The following TOE1 variants were observed in gnomAD, a reference collection of about 807,000 sequenced individuals.
The protein encoded by TOE1 is target of EGR1 protein 1.
In TOE1, 50 loss-of-function variants were observed where a neutral mutation model predicts 49.2. The observed-to-expected ratio is 1.02, with a 90% CI of 0.81 to 1.29. The LOEUF (loss-of-function observed/expected upper bound fraction) is 1.29. Ranked by LOEUF, TOE1 falls within the 50% of genes most tolerant of loss-of-function variation. The pLI is 0.00. For missense variants in TOE1, 544 were observed against 654.4 expected (o/e 0.83, Z 1.84); for synonymous variants, 221 against 247.0 (o/e 0.89, Z 0.99).
intron 1 of TOE1, 121 bp downstream of exon 1, chr1:45,340,425 G>A: frequency 1.3e-6 from 2 of 1,524,618 alleles, no homozygotes; most frequent in Non-Finnish European, 1.8e-6. Context: ...GCCTGAACTA[G>A]CCACGAGGAG....
In TOE1 at chr1:45,343,595, G is replaced by A; in HGVS notation, c.1426G>A (p.Val476Ile). 1.2e-6 allele frequency: 2 copies of A among 1,614,086 alleles called. No individual in the cohort carries two copies. The highest frequency in any genetic ancestry group is 1.7e-6 in the Non-Finnish European group (2 of 1,180,006). Residue 476 changes from valine to isoleucine, a missense_variant, in exon 8 of 8, where the codon GTA becomes ATA. Transcript: ENST00000372090. This position sits in a 1 kb window ranked among gnomAD's most constrained non-coding sequence, Gnocchi z 4.3. ...CTGGCTCCCTGAATGCCACAATAAG[G>A]TATATTTGAGTGGCAAAGCTGTACC... ...GPWLPECHNKVYLSGKAVPLT... is the reference protein window; with the variant it reads ...GPWLPECHNKIYLSGKAVPLT...
At chr1:45,341,847 C>A in intron 4 of TOE1, 102 bp from the exon 5 acceptor site, 1 of 1,270,254 alleles carries the variant, frequency 7.9e-7, no homozygotes, top group Non-Finnish European at 1.1e-6. Flanking sequence ...TCCATCCTTT[C>A]CCCCCTGAGT....
Position 45,343,849 on chromosome 1 carries a change from C to A in TOE1, c.*147C>A. On this transcript the variant is annotated 3_prime_UTR_variant, in exon 8 of 8. Transcript: ENST00000372090. The surrounding 1 kb of genome is among the most constrained non-coding windows in gnomAD (Gnocchi z 4.3). ...TTGCCCTGGACCGCCTCCTTTATCC[C>A]AGTGTTTGAGGTACAAGTAAGAAGG... 1 of 920,486 alleles carries A rather than the reference C, an allele frequency of 1.1e-6. No homozygotes were observed. The allele number at this position is 920,486 out of a possible 1,614,324, so 57.0% of individuals were successfully genotyped here.
chr1:45,343,653 C>T lies in TOE1; in HGVS notation c.1484C>T (p.Ser495Phe), dbSNP rs1353134419. ...GTGGCCAAGAGCCAGTTCTCTCGTT[C>T]CTCCAAAGCCCACAATCAGAAGATG... The part of the protein sequence containing the change: ...LTVAKSQFSR[S>F]SKAHNQKMKL... The change falls in exon 8 of 8, where the codon TCC (serine) becomes TTC (phenylalanine). Residue 495 changes from serine (S) to phenylalanine (F), a missense_variant. By Grantham distance (155) the Ser-to-Phe change is radical. Coordinates refer to ENST00000372090, the MANE Select transcript of TOE1 (RefSeq NM_025077.4). The surrounding 1 kb of genome is among the most constrained non-coding windows in gnomAD (Gnocchi z 4.3). 14 of 1,612,376 alleles carry T rather than the reference C, an allele frequency of 8.7e-6. No homozygotes were observed. The highest frequency in any genetic ancestry group is 1.2e-5 in the Non-Finnish European group (14 of 1,178,646).
chr1:45,341,713 T>A, intron 4 of TOE1, 144 bp downstream of exon 4: 1 of 858,888 alleles, frequency 1.2e-6, no homozygotes, highest in Non-Finnish European at 1.8e-6. Context: ...TGAATAGGTT[T>A]ATGGGGAACA....
At chr1:45,341,638 A>G (rs567977966) in intron 4 of TOE1, 69 bp downstream of exon 4, 32 of 1,373,102 alleles carry the variant, frequency 2.3e-5, no homozygotes, top group South Asian at 2.1e-4. Context: ...TCTAGGGAAC[A>G]TCAGATAGGA....
chr1:45,343,934 T>C lies in TOE1; in HGVS notation c.*232T>C. 1 of 443,910 alleles carries C rather than the reference T, an allele frequency of 2.3e-6. No individual in the cohort carries two copies. The highest frequency in any genetic ancestry group is 4.0e-6 in the Non-Finnish European group (1 of 251,240). 27.5% of individuals were successfully genotyped at this position (443,910 alleles called of 1,614,324 possible). A position where few individuals can be genotyped will look rare whatever the true frequency, so the allele number is the denominator to read the frequency against. On this transcript the variant is annotated 3_prime_UTR_variant, in exon 8 of 8. Transcript: ENST00000372090. This position sits in a 1 kb window ranked among gnomAD's most constrained non-coding sequence, Gnocchi z 4.3. Reference sequence around the variant, plus strand: ...AGTCTGAAAATGTCTTGGGAAAGTTTTACAAAAAAAAAAATCAACAGAAGC... The same window carrying C: ...AGTCTGAAAATGTCTTGGGAAAGTTCTACAAAAAAAAAAATCAACAGAAGC...
intron 1 of TOE1, 139 bp downstream of exon 1, chr1:45,340,443 G>C: frequency 1.3e-6 from 2 of 1,509,894 alleles, no homozygotes; most frequent in Non-Finnish European, 1.8e-6. Flanking sequence ...GAGACTACAA[G>C]TTCCGTTGTA....
chr1:45,341,811 G>A (rs879332184), intron 4 of TOE1, 138 bp from the exon 5 acceptor site: 57 of 936,350 alleles, frequency 6.1e-5, no homozygotes, highest in Non-Finnish European at 8.4e-5. Context: ...TGTGCCCAAT[G>A]CGTAGTCTTT....
Position 45,342,506 on chromosome 1 carries a change from A to G in TOE1, c.615A>G (p.Ala205=), listed in dbSNP as rs772071374. The change falls in exon 6 of 8, where the codon GCA becomes GCG. Residue 205 remains alanine, a synonymous_variant. Coordinates refer to ENST00000372090, the MANE Select transcript of TOE1 (RefSeq NM_025077.4). ...DLVFLYQNFY[A]HLPESLGTFT... ...TGTTCCTGTACCAGAACTTCTATGCACACCTCCCTGAGAGTCTGGGAACCT... is the reference window on the plus strand; with the variant it reads ...TGTTCCTGTACCAGAACTTCTATGCGCACCTCCCTGAGAGTCTGGGAACCT... 150 of 1,613,936 alleles carry G rather than the reference A, an allele frequency of 9.3e-5. No individual in the cohort carries two copies. Among genetic ancestry groups the G allele is most frequent in the Non-Finnish European group, 1.2e-4 (145 of 1,180,018 alleles).
chr1:45,343,088 G>A lies in TOE1; in HGVS notation c.919G>A (p.Gly307Ser). ...GCCTCTTTCCCACCCCTAGGCTTAT[G>A]GCTGGTGCCCCCTGGGACCACAGTG... ...TSICDNFSAY[G>S]WCPLGPQCPQ... The change falls in exon 8 of 8, where the codon GGC (glycine) becomes AGC (serine). Residue 307 changes from glycine to serine, a missense_variant. Physicochemically the swap from Gly to Ser is moderately conservative, Grantham distance 56 (BLOSUM62 0). Coordinates refer to ENST00000372090, the MANE Select transcript of TOE1 (RefSeq NM_025077.4). This position sits in a 1 kb window ranked among gnomAD's most constrained non-coding sequence, Gnocchi z 4.3. 6.2e-7 allele frequency: 1 copy of A among 1,613,604 alleles called. No individual in the cohort carries two copies. Among genetic ancestry groups the A allele is most frequent in the East Asian group, 2.2e-5 (1 of 44,862 alleles).
chr1:45,340,328 C>T (rs551416094), intron 1 of TOE1, 24 bp downstream of exon 1: 2 of 1,606,118 alleles, frequency 1.2e-6, no homozygotes, highest in Non-Finnish European at 1.7e-6. Flanking sequence ...CAGAGGTAGC[C>T]TTCAAAGCCT....
Position 45,343,759 on chromosome 1 carries a change from G to A in TOE1, c.*57G>A. 1 of 1,548,146 alleles carries A rather than the reference G, an allele frequency of 6.5e-7. No individual in the cohort carries two copies. The highest frequency in any genetic ancestry group is 8.7e-7 in the Non-Finnish European group (1 of 1,143,952). ...GAGGTATTTTGGGTCTCTCTAGCCT[G>A]AAATGTCATCCTCAACTGCTACTGA... On this transcript the variant is annotated 3_prime_UTR_variant, in exon 8 of 8. Coordinates refer to ENST00000372090, the MANE Select transcript of TOE1 (RefSeq NM_025077.4). This position sits in a 1 kb window ranked among gnomAD's most constrained non-coding sequence, Gnocchi z 4.3.
chr1:45,343,103 G>A lies in TOE1; in HGVS notation c.934G>A (p.Gly312Arg), dbSNP rs767651165. 8.7e-6 allele frequency: 14 copies of A among 1,613,420 alleles called. No homozygotes were observed. Among genetic ancestry groups the A allele is most frequent in the Non-Finnish European group, 1.1e-5 (13 of 1,179,766 alleles). The change falls in exon 8 of 8, where the codon GGA becomes AGA. Residue 312 changes from glycine to arginine, a missense_variant. Physicochemically the swap from Gly to Arg is moderately radical, Grantham distance 125. Transcript: ENST00000372090. The surrounding 1 kb of genome is among the most constrained non-coding windows in gnomAD (Gnocchi z 4.3). ...NFSAYGWCPLGPQCPQSHDID... is the reference protein window; with the variant it reads ...NFSAYGWCPLRPQCPQSHDID... ...CTAGGCTTATGGCTGGTGCCCCCTG[G>A]GACCACAGTGTCCTCAGTCTCACGA...
intron 6 of TOE1, 56 bp from the exon 7 acceptor site, chr1:45,342,787 C>T (rs778500421): frequency 6.2e-7 from 1 of 1,610,722 alleles, no homozygotes; most frequent in Non-Finnish European, 8.5e-7. Flanking sequence ...ACCACAAAAC[C>T]CTGCTCTTAT....
intron 1 of TOE1, chr1:45,340,530 G>A: frequency 7.1e-7 from 1 of 1,418,148 alleles, no homozygotes; most frequent in Non-Finnish European, 9.2e-7. Context: ...GATGTAGTCT[G>A]GAGCTCATAA....
In TOE1 at chr1:45,341,934, T is replaced by G. The variant is rs151174696; in HGVS notation, c.334-15T>G. Reference sequence around the variant, plus strand: ...TCTCTGAAATCTTGATATAGCAGACTTCTCTTTCTCCCAGGGTGAACATTC... The same window carrying G: ...TCTCTGAAATCTTGATATAGCAGACGTCTCTTTCTCCCAGGGTGAACATTC... On this transcript the variant is annotated splice_polypyrimidine_tract_variant and intron_variant, in intron 4 of 7. Transcript: ENST00000372090. 4.4e-4 allele frequency: 709 copies of G among 1,612,384 alleles called. 7 individuals are homozygous for G. The East Asian group carries it at 0.011, about 26-fold the overall frequency.
Position 45,343,232 on chromosome 1 carries a change from A to C in TOE1, c.1063A>C (p.Thr355Pro). 6.2e-7 allele frequency: 1 copy of C among 1,614,036 alleles called. No homozygotes were observed. The highest frequency in any genetic ancestry group is 1.1e-5 in the South Asian group (1 of 91,068). ...RKRALLNLPG[T>P]QTSGEAKDGP... is the part of the protein sequence containing the mutation. ...GAGGGCTTTATTGAACCTACCGGGG[A>C]CACAGACCTCTGGGGAAGCTAAGGA... is the stretch of plus-strand genomic sequence containing the variant. Residue 355 changes from threonine (T) to proline (P), a missense_variant, in exon 8 of 8, where the codon ACA becomes CCA. By Grantham distance (38) the Thr-to-Pro change is conservative. Transcript: ENST00000372090. The surrounding 1 kb of genome is among the most constrained non-coding windows in gnomAD (Gnocchi z 4.3).
Position 45,341,311 on chromosome 1 carries a change from T to A in TOE1, c.204T>A (p.Ser68Arg). The change falls in exon 3 of 8, where the codon AGT becomes AGA. Residue 68 changes from serine (S) to arginine (R), a missense_variant. Transcript: ENST00000372090. The stretch of plus-strand genomic sequence containing the variant: ...CCTTTACCTACCCACAGGAGCTGAG[T>A]GGGCTTGGGGACAGGAAGAGTTTGC... ...ANFVAVDTEL[S>R]GLGDRKSLLN... 1 of 1,614,130 alleles carries A rather than the reference T, an allele frequency of 6.2e-7. No homozygotes were observed. Among genetic ancestry groups the A allele is most frequent in the South Asian group, 1.1e-5 (1 of 91,084 alleles).
Sources: gnomAD v4.1 joint callset for allele counts on GRCh38, gnomAD v4.1.1 for gene constraint, Gnocchi (gnomAD v3.1) non-coding constraint, MANE v1.5 for transcripts, NCBI Gene and HGNC (gene_info 2026-07-23, HGNC 2026-07-21) for gene names.